Variants in USP25 observed in about 807,000 individuals in gnomAD.
USP25 encodes ubiquitin specific peptidase 25, also known as ubiquitin carboxyl-terminal hydrolase 25.
A neutral mutation model predicts 158.5 loss-of-function variants in USP25; 85 were observed. The observed-to-expected ratio is 0.54, with a 90% CI of 0.45 to 0.64. The LOEUF (loss-of-function observed/expected upper bound fraction) is 0.64. Among genes scored for constraint, USP25 ranks in the 30% least tolerant of loss-of-function variants. The pLI is 0.00. For missense variants in USP25, 1,242 were observed against 1,327.3 expected (o/e 0.94, Z 1.00); for synonymous variants, 464 against 460.4 (o/e 1.01, Z -0.10).
chr21:15,761,744 C>A (rs1417530370), intron 1 of USP25, among the ~76,000 whole-genome samples: 2 of 152,156 alleles, frequency 1.3e-5, no homozygotes, highest in African/African-American at 2.4e-5. Flanking sequence ...TATAAAACCC[C>A]AAGTCAAAGG....
rs1458909985 is a variant in USP25, at chr21:15,866,359, T to TA, written c.2805+16dup. 3.2e-6 allele frequency: 5 copies of TA among 1,580,550 alleles called. No homozygotes were observed. In the East Asian group the frequency reaches 9.2e-5, roughly 29 times the overall value. ...AGGAATATGAGGTAATGTGCTTTCT[T>TA]AGAGGTTAAACTACAGATTTAGGGA... On this transcript the variant is annotated intron_variant, in intron 22 of 25. Transcript: ENST00000400183.
intron 1 of USP25, among the ~76,000 whole-genome samples, chr21:15,736,459 A>C (rs1241051818): frequency 6.6e-6 from 1 of 152,018 alleles, no homozygotes; most frequent in African/African-American, 2.4e-5. Context: ...ATAACTGATA[A>C]ATTTAATCTT....
intron 1 of USP25, among the ~76,000 whole-genome samples, chr21:15,754,989 A>G (rs751370601): frequency 6.6e-6 from 1 of 152,206 alleles, no homozygotes; most frequent in Non-Finnish European, 1.5e-5. Flanking sequence ...TAGCAGGTAG[A>G]TGCAGAGGTT....
chr21:15,831,678 C>T, intron 16 of USP25, 49 bp downstream of exon 16: 1 of 1,494,138 alleles, frequency 6.7e-7, no homozygotes, highest in South Asian at 1.2e-5. Context: ...ATAAAAGTGG[C>T]TCTGGTATGT....
At chr21:15,827,775 T>C (rs936321961) in intron 14 of USP25, among the ~76,000 whole-genome samples, 13 of 128,292 alleles carry the variant, frequency 1.0e-4, no homozygotes, top group Non-Finnish European at 1.6e-4. Context: ...CGTGTGTGTG[T>C]GTGTGTGTGT....
At chr21:15,757,611 G>T (rs1167747792) in intron 1 of USP25, among the ~76,000 whole-genome samples, 1 of 152,170 alleles carries the variant, frequency 6.6e-6, no homozygotes, top group East Asian at 1.9e-4. Flanking sequence ...CTGGTTGGCT[G>T]GGTTGACTTT....
intron 23 of USP25, among the ~76,000 whole-genome samples, chr21:15,872,235 C>T (rs1472428301): frequency 6.6e-6 from 1 of 151,874 alleles, no homozygotes; most frequent in East Asian, 1.9e-4. Flanking sequence ...TAGAGTGTAC[C>T]AGGCTACATG....
chr21:15,821,499 A>G (rs971886348), intron 10 of USP25, among the ~76,000 whole-genome samples: 3 of 151,928 alleles, frequency 2.0e-5, no homozygotes, highest in Admixed American at 6.6e-5. Context: ...TCCCTTCACA[A>G]AGTTGTACCA....
intron 20 of USP25, among the ~76,000 whole-genome samples, chr21:15,854,679 A>G (rs957165485): frequency 6.6e-6 from 1 of 152,154 alleles, no homozygotes; most frequent in African/African-American, 2.4e-5. Context: ...GTTATAAGAA[A>G]CTTAGGTCTG....
At chr21:15,759,763 C>T (rs912614179) in intron 1 of USP25, among the ~76,000 whole-genome samples, 2 of 152,206 alleles carry the variant, frequency 1.3e-5, no homozygotes, top group African/African-American at 2.4e-5. Flanking sequence ...ATGTCTACCC[C>T]CCACTTCCAG....
At chr21:15,870,245 G>T in intron 23 of USP25, 98 bp downstream of exon 23, 2 of 742,698 alleles carry the variant, frequency 2.7e-6, no homozygotes, top group South Asian at 2.5e-5. Flanking sequence ...TTCATACTCT[G>T]TATTTTTAAT....
At chr21:15,859,021 C>G (rs2039290884) in intron 20 of USP25, among the ~76,000 whole-genome samples, 1 of 151,412 alleles carries the variant, frequency 6.6e-6, no homozygotes, top group African/African-American at 2.4e-5. Context: ...GTACACCACA[C>G]TGTTTGTTTA....
In USP25 at chr21:15,730,430, G is replaced by T; in HGVS notation, c.37G>T (p.Ala13Ser). ...VEQNVLQQSA[A>S]QKHQQTFLNQ... ...GCAGAACGTGCTGCAGCAGAGCGCG[G>T]CGCAGAAGGTGAGGCGAGTCCGCCA... The change falls in exon 1 of 26, where the codon GCG becomes TCG. Residue 13 changes from alanine (A) to serine (S), a missense_variant. This residue lies in a region of USP25 where 627 missense variants were observed against 701.4 expected (regional missense o/e 0.89). Coordinates refer to ENST00000400183, the MANE Select transcript of USP25 (RefSeq NM_001283041.3). 1 of 1,365,410 alleles carries T rather than the reference G, an allele frequency of 7.3e-7. No homozygotes were observed. Among genetic ancestry groups the T allele is most frequent in the Non-Finnish European group, 9.5e-7 (1 of 1,049,922 alleles). 84.6% of individuals were successfully genotyped at this position (1,365,410 alleles called of 1,614,324 possible).
chr21:15,812,994 C>G (rs948659135), intron 9 of USP25, among the ~76,000 whole-genome samples: 3 of 151,978 alleles, frequency 2.0e-5, no homozygotes, highest in Admixed American at 1.3e-4. Context: ...CCTTTTTCAT[C>G]TAAAACCTAA....
intron 9 of USP25, among the ~76,000 whole-genome samples, chr21:15,817,015 C>A (rs865997663): frequency 6.6e-6 from 1 of 151,856 alleles, no homozygotes; most frequent in South Asian, 2.1e-4. Context: ...GCCTGTAATC[C>A]CAGCTACTAG....
chr21:15,756,060 T>C (rs1237272228), intron 1 of USP25, among the ~76,000 whole-genome samples: 1 of 152,186 alleles, frequency 6.6e-6, no homozygotes, highest in Non-Finnish European at 1.5e-5. Flanking sequence ...AGATAAAGTC[T>C]CTGAGGTAAG....
intron 22 of USP25, among the ~76,000 whole-genome samples, chr21:15,866,574 G>T (rs1456386117): frequency 1.3e-5 from 2 of 151,802 alleles, no homozygotes; most frequent in Non-Finnish European, 2.9e-5. Flanking sequence ...GAAGATTTTT[G>T]GTTTTTTATT....
At chr21:15,765,145 A>G (rs1291868302) in intron 2 of USP25, among the ~76,000 whole-genome samples, 1 of 152,146 alleles carries the variant, frequency 6.6e-6, no homozygotes, top group Non-Finnish European at 1.5e-5. Context: ...TAGGGAACCT[A>G]CAGAGCCTTC....
chr21:15,808,778 C>T, intron 7 of USP25, 31 bp from the exon 8 acceptor site: 1 of 1,546,418 alleles, frequency 6.5e-7, no homozygotes, highest in South Asian at 1.2e-5. Flanking sequence ...TTAGTAGGCT[C>T]AAATATCAAC....
Sources: allele counts gnomAD v4.1 joint callset (sites outside exome capture counted in the v4.1 genomes callset), GRCh38; gene constraint gnomAD v4.1.1; regional missense constraint gnomAD v4.1.1; transcripts MANE v1.5; gene names NCBI Gene and HGNC (gene_info 2026-07-23, HGNC 2026-07-21).